Variants in NBEA observed in about 807,000 individuals in gnomAD.
NBEA encodes the protein neurobeachin.
NBEA carries 44 observed loss-of-function variants against 343.4 expected under a neutral mutation model. The ratio of observed to expected loss-of-function variants is 0.13; its 90% CI spans 0.10 to 0.16. NBEA has a LOEUF of 0.16. Among genes scored for constraint, NBEA ranks in the 10% least tolerant of loss-of-function variants. The pLI is 1.00. For synonymous variants in NBEA, 1,175 were observed against 1,238.7 expected, an observed-to-expected ratio of 0.95 and a Z score of 1.08; for missense variants, 2,555 against 3,631.3, an observed-to-expected ratio of 0.70 and a Z score of 7.62.
intron 11 of NBEA, among the ~76,000 whole-genome samples, chr13:35,103,307 G>C (rs2065745375): frequency 6.6e-6 from 1 of 151,418 alleles, no homozygotes; most frequent in East Asian, 1.9e-4. Context: ...TTCATAATCT[G>C]TCCTGTGATT....
At chr13:34,977,241 G>A (rs896234116) in intron 1 of NBEA, among the ~76,000 whole-genome samples, 2 of 151,600 alleles carry the variant, frequency 1.3e-5, no homozygotes, top group Non-Finnish European at 2.9e-5. Context: ...CGCCCAGCTA[G>A]ACCTATTACC....
intron 49 of NBEA, among the ~76,000 whole-genome samples, chr13:35,635,727 T>C (rs2083664775): frequency 2.0e-5 from 3 of 152,200 alleles, no homozygotes; most frequent in Admixed American, 2.0e-4. Context: ...GTTTGATGAA[T>C]AAGGTTTTAA....
At chr13:35,435,738 C>G (rs1030691402) in intron 39 of NBEA, among the ~76,000 whole-genome samples, 1 of 151,986 alleles carries the variant, frequency 6.6e-6, no homozygotes, top group Non-Finnish European at 1.5e-5. Flanking sequence ...ATCATTTATC[C>G]ACTGTAAATG....
intron 36 of NBEA, among the ~76,000 whole-genome samples, chr13:35,333,728 A>G (rs2039073451): frequency 6.6e-6 from 1 of 151,580 alleles, no homozygotes; most frequent in African/African-American, 2.4e-5. Context: ...CCATCTTTCT[A>G]CTCTCTGTCT....
intron 41 of NBEA, among the ~76,000 whole-genome samples, chr13:35,520,237 A>G (rs1008981070): frequency 1.3e-5 from 2 of 152,208 alleles, no homozygotes; most frequent in Non-Finnish European, 2.9e-5. Context: ...CTCTTGCTCT[A>G]TAAGATCAAC....
chr13:35,232,315 T>C (rs1314745772), intron 33 of NBEA, among the ~76,000 whole-genome samples, 177 bp from the exon 34 acceptor site: 1 of 152,170 alleles, frequency 6.6e-6, no homozygotes, highest in African/African-American at 2.4e-5. Flanking sequence ...AACCTTTCAG[T>C]AGCCTTATGA....
chr13:35,338,287 T>A (rs2039384328), intron 36 of NBEA, among the ~76,000 whole-genome samples: 1 of 151,732 alleles, frequency 6.6e-6, no homozygotes, highest in Non-Finnish European at 1.5e-5. Context: ...ATGACCTTAA[T>A]GAAAGAAAAA....
intron 8 of NBEA, among the ~76,000 whole-genome samples, chr13:35,068,679 G>A (rs553190210): frequency 1.3e-5 from 2 of 152,194 alleles, no homozygotes; most frequent in Non-Finnish European, 2.9e-5. Context: ...TTTGCATCCA[G>A]TTTTCTTTTA....
chr13:35,596,390 GA>G (rs959000588), intron 47 of NBEA, among the ~76,000 whole-genome samples: 1 of 152,088 alleles, frequency 6.6e-6, no homozygotes, highest in African/African-American at 2.4e-5. Flanking sequence ...ATTTTTTAAG[GA>G]AGTGTGTTTC....
intron 41 of NBEA, among the ~76,000 whole-genome samples, chr13:35,542,302 C>G (rs1264745121): frequency 6.6e-6 from 1 of 151,998 alleles, no homozygotes; most frequent in Non-Finnish European, 1.5e-5. Flanking sequence ...ATTTTTCCAG[C>G]TTCATTTCTT....
At chr13:35,301,151 CAAT>C (rs571167646) in intron 35 of NBEA, among the ~76,000 whole-genome samples, 2 of 151,358 alleles carry the variant, frequency 1.3e-5, no homozygotes, top group African/African-American at 2.4e-5. Context: ...TTGACCACAA[CAAT>C]GAGAGTCCAC....
At chr13:35,195,831 A>C (rs767089612) in intron 30 of NBEA, 33 bp from the exon 31 acceptor site, 1 of 1,504,734 alleles carries the variant, frequency 6.6e-7, no homozygotes, top group Non-Finnish European at 8.9e-7. Context: ...TTACTTTCAA[A>C]GCTTTTTTCT....
intron 38 of NBEA, among the ~76,000 whole-genome samples, chr13:35,372,777 T>C (rs2041515862): frequency 6.6e-6 from 1 of 152,084 alleles, no homozygotes; most frequent in African/African-American, 2.4e-5. Flanking sequence ...GCTTCAACTC[T>C]GTTGGCAGCA....
intron 38 of NBEA, among the ~76,000 whole-genome samples, chr13:35,404,443 G>A (rs955687176): frequency 5.3e-5 from 8 of 151,500 alleles, no homozygotes; most frequent in African/African-American, 1.9e-4. Context: ...ATGAGTTCAT[G>A]TCCTTTGTAG....
Position 35,601,742 on chromosome 13 carries a change from G to A in NBEA, c.7297-4684G>A, listed in dbSNP as rs535800613. ...ATGCCATTGGACTCCAGCCTGGGTGGCAGAGCAGGACTCCATCGCAAAAAA... is the reference window on the plus strand; with the variant it reads ...ATGCCATTGGACTCCAGCCTGGGTGACAGAGCAGGACTCCATCGCAAAAAA... On this transcript the variant is annotated intron_variant, in intron 47 of 58. Coordinates refer to ENST00000379939, the MANE Select transcript of NBEA (RefSeq NM_001385012.1). Among the ~76,000 whole-genome samples, 46 of 132,648 alleles carry A rather than the reference G, an allele frequency of 3.5e-4. No individual in the cohort carries two copies. The South Asian group carries it at 0.01, about 29-fold the overall frequency. 87.0% of individuals were successfully genotyped at this position (132,648 alleles called of 152,430 possible). A position where few individuals can be genotyped will look rare whatever the true frequency, so the allele number is the denominator to read the frequency against.
chr13:35,111,588 G>T lies in NBEA; in HGVS notation c.2002+610G>T, dbSNP rs113219528. On this transcript the variant is annotated intron_variant, in intron 13 of 58. Transcript: ENST00000379939. ...TTTAAACTTTTTAATTATAGATTGA[G>T]ATTTTCTCAATTTTTCTATGTTGTT... Among the ~76,000 whole-genome samples the T allele has an allele frequency of 6.4e-3, 971 of 151,974 alleles. 11 individuals carry two copies. The highest frequency in any genetic ancestry group is 0.022 in the African/African-American group (930 of 41,508).
chr13:35,494,988 A>G (rs923850706), intron 41 of NBEA, among the ~76,000 whole-genome samples: 1 of 151,888 alleles, frequency 6.6e-6, no homozygotes, highest in Non-Finnish European at 1.5e-5. Flanking sequence ...TCCAGACTGG[A>G]CAACAGAGTG....
chr13:35,581,675 T>C (rs1293400124), intron 45 of NBEA, among the ~76,000 whole-genome samples: 6 of 137,164 alleles, frequency 4.4e-5, no homozygotes, highest in Admixed American at 1.6e-4. Context: ...TAGGTGGGAA[T>C]TGAACAATGA....
intron 48 of NBEA, among the ~76,000 whole-genome samples, chr13:35,620,256 T>C (rs947285070): frequency 1.3e-5 from 2 of 151,838 alleles, no homozygotes; most frequent in Admixed American, 1.3e-4. Flanking sequence ...TGACCGGTGG[T>C]AGAAAATACC....
Sources: allele counts gnomAD v4.1 joint callset (sites outside exome capture counted in the v4.1 genomes callset), GRCh38; gene constraint gnomAD v4.1.1; transcripts MANE v1.5; gene names NCBI Gene and HGNC (gene_info 2026-07-23, HGNC 2026-07-21).